The following CTNND2 variants were observed in gnomAD, a reference collection of about 807,000 sequenced individuals.
CTNND2 encodes the protein catenin delta 2.
Under a neutral mutation model 144.4 loss-of-function variants are expected in CTNND2, and 22 were observed. The observed-to-expected ratio is 0.15, with a 90% CI of 0.11 to 0.22. The LOEUF (loss-of-function observed/expected upper bound fraction) is 0.22, where lower values mean the gene tolerates loss of function less well. CTNND2 is among the 10% of genes least tolerant of loss of function. The pLI is 1.00. For missense variants in CTNND2, 1,353 were observed against 1,618.8 expected (o/e 0.84, Z 2.82); for synonymous variants, 751 against 695.6 (o/e 1.08, Z -1.25).
intron 3 of CTNND2, among the ~76,000 whole-genome samples, chr5:11,543,545 G>A (rs953195994): frequency 1.3e-5 from 2 of 151,942 alleles, no homozygotes; most frequent in Admixed American, 6.6e-5. Flanking sequence ...GTTAAAAGCC[G>A]TAAGTACATA....
chr5:11,170,762 T>C (rs779398992), intron 11 of CTNND2, among the ~76,000 whole-genome samples: 1 of 152,236 alleles, frequency 6.6e-6, no homozygotes, highest in Non-Finnish European at 1.5e-5. Flanking sequence ...TCCATTTTCA[T>C]ACTGCTATGA....
chr5:11,839,361 T>C (rs904026397), intron 1 of CTNND2, among the ~76,000 whole-genome samples: 2 of 152,120 alleles, frequency 1.3e-5, no homozygotes, highest in African/African-American at 4.8e-5. Flanking sequence ...CTTAGGTTCA[T>C]CCTGATAACA....
chr5:11,304,318 C>CCACACA (rs111918321), intron 9 of CTNND2, among the ~76,000 whole-genome samples: 4,376 of 148,362 alleles, frequency 0.029, 71 homozygotes, highest in South Asian at 0.057. Flanking sequence ...CACGGACACA[C>CCACACA]CACACACACA....
At chr5:11,604,170 T>C (rs184263982) in intron 2 of CTNND2, among the ~76,000 whole-genome samples, 1 of 152,348 alleles carries the variant, frequency 6.6e-6, no homozygotes, top group Admixed American at 6.5e-5. Context: ...TGTTGAAGTT[T>C]CAGTTTCTGG....
chr5:11,842,495 G>A (rs889223734), intron 1 of CTNND2, among the ~76,000 whole-genome samples: 7 of 152,038 alleles, frequency 4.6e-5, no homozygotes, highest in African/African-American at 9.7e-5. Flanking sequence ...TGAGGCGGGC[G>A]GATCGTGAGG....
At chr5:11,063,301 A>C (rs1561244915) in intron 16 of CTNND2, among the ~76,000 whole-genome samples, 1 of 152,188 alleles carries the variant, frequency 6.6e-6, no homozygotes, top group Admixed American at 6.5e-5. Context: ...TAGGGAAAAA[A>C]GGCTCATCCA....
intron 11 of CTNND2, among the ~76,000 whole-genome samples, chr5:11,189,022 G>A (rs187264911): frequency 6.6e-6 from 1 of 152,146 alleles, no homozygotes; most frequent in East Asian, 1.9e-4. Flanking sequence ...TGTCCACTAC[G>A]ACACAAGCGT....
At chr5:11,243,915 T>G (rs1742715790) in intron 9 of CTNND2, among the ~76,000 whole-genome samples, 3 of 152,256 alleles carry the variant, frequency 2.0e-5, no homozygotes, top group Admixed American at 2.0e-4. Flanking sequence ...TCACTTTGAT[T>G]GCAATCTAAA....
At chr5:11,397,391 A>T (rs538306794) in intron 5 of CTNND2, among the ~76,000 whole-genome samples, 188 bp from the exon 6 acceptor site, 5 of 149,466 alleles carry the variant, frequency 3.3e-5, no homozygotes, top group East Asian at 2.0e-4. Context: ...TTTATTTTTT[A>T]TTTTTTTTTT....
chr5:11,581,570 T>C (rs544919622), intron 2 of CTNND2, among the ~76,000 whole-genome samples: 2 of 152,210 alleles, frequency 1.3e-5, no homozygotes, highest in Non-Finnish European at 2.9e-5. Context: ...CTAGATGGAT[T>C]GCACTGTGAT....
chr5:11,392,279 G>A (rs1026725176), intron 6 of CTNND2, among the ~76,000 whole-genome samples: 7 of 152,134 alleles, frequency 4.6e-5, no homozygotes, highest in Admixed American at 2.0e-4. Context: ...ATCAGTAAAT[G>A]TTCTGAAAAG....
chr5:11,251,160 C>T (rs1030928056), intron 9 of CTNND2, among the ~76,000 whole-genome samples: 2 of 152,216 alleles, frequency 1.3e-5, no homozygotes, highest in South Asian at 2.1e-4. Flanking sequence ...CGGAGTGTTT[C>T]GGCTGCTTGA....
At chr5:11,470,976 ATATATTT>A (rs1313218648) in intron 3 of CTNND2, among the ~76,000 whole-genome samples, 5 of 95,186 alleles carry the variant, frequency 5.3e-5, no homozygotes, top group Admixed American at 9.7e-5. Flanking sequence ...ATATATATAT[ATATATTT>A]TTTTTTTTTT....
intron 3 of CTNND2, among the ~76,000 whole-genome samples, chr5:11,520,956 T>C (rs1439247323): frequency 6.6e-6 from 1 of 152,236 alleles, no homozygotes; most frequent in African/African-American, 2.4e-5. Flanking sequence ...AGGAAACAAA[T>C]GAAAATAAAT....
chr5:11,300,807 T>C (rs138518793), intron 9 of CTNND2, among the ~76,000 whole-genome samples: 2,061 of 152,116 alleles, frequency 0.014, 45 homozygotes, highest in African/African-American at 0.047. Flanking sequence ...ACCCCCAGCC[T>C]CCACTCCCAT....
chr5:11,317,239 T>G (rs1362866719), intron 9 of CTNND2, among the ~76,000 whole-genome samples: 1 of 152,186 alleles, frequency 6.6e-6, no homozygotes, highest in Non-Finnish European at 1.5e-5. Context: ...GTCACACAGC[T>G]AGTTAGTGGA....
chr5:11,740,843 A>G (rs2126763233), intron 1 of CTNND2, among the ~76,000 whole-genome samples: 1 of 152,328 alleles, frequency 6.6e-6, no homozygotes, highest in South Asian at 2.1e-4. Context: ...CAAATTTACA[A>G]GAAAAAAACA....
chr5:11,899,969 A>G (rs908687866), intron 1 of CTNND2, among the ~76,000 whole-genome samples: 1 of 152,202 alleles, frequency 6.6e-6, no homozygotes, highest in African/African-American at 2.4e-5. Flanking sequence ...TCAGATCACA[A>G]ACATATTTCT....
chr5:11,809,016 T>C (rs1370325186), intron 1 of CTNND2, among the ~76,000 whole-genome samples: 1 of 152,198 alleles, frequency 6.6e-6, no homozygotes, highest in Non-Finnish European at 1.5e-5. Flanking sequence ...ATGGGCATAA[T>C]GGGAAGAAAA....
Sources: allele counts gnomAD v4.1 joint callset (sites outside exome capture counted in the v4.1 genomes callset), GRCh38; gene constraint gnomAD v4.1.1; transcripts MANE v1.5; gene names NCBI Gene and HGNC (gene_info 2026-07-23, HGNC 2026-07-21).